NRXN3: variants seen among roughly 807,000 people sequenced by gnomAD.
NRXN3 encodes the protein neurexin 3, also known as neurexin III.
A neutral mutation model predicts 137.6 loss-of-function variants in NRXN3; 32 were observed. That is an observed-to-expected ratio of 0.23 (90% CI 0.18 to 0.31). The LOEUF (loss-of-function observed/expected upper bound fraction) is 0.31, where lower values mean the gene tolerates loss of function less well. NRXN3 is among the 10% of genes least tolerant of loss of function. NRXN3 has a pLI of 1.00. For synonymous variants in NRXN3, 798 were observed against 784.5 expected (o/e 1.02, Z -0.29); for missense variants, 1,574 against 2,062.5 (o/e 0.76, Z 4.59).
intron 4 of NRXN3, among the ~76,000 whole-genome samples, chr14:78,495,496 C>A (rs576514735): frequency 8.5e-5 from 13 of 152,230 alleles, no homozygotes; most frequent in South Asian, 2.1e-4. Context: ...CCAGGCTTTA[C>A]ACTAATTTGC....
intron 4 of NRXN3, among the ~76,000 whole-genome samples, chr14:78,585,870 T>G (rs1290817298): frequency 6.6e-6 from 1 of 151,976 alleles, no homozygotes; most frequent in Non-Finnish European, 1.5e-5. Flanking sequence ...ATGAGTAAGG[T>G]TGGAGTTTAG....
intron 15 of NRXN3, among the ~76,000 whole-genome samples, chr14:79,238,694 A>C (rs1182955273): frequency 5.3e-5 from 8 of 152,124 alleles, no homozygotes; most frequent in African/African-American, 1.9e-4. Context: ...GCATTTTTAA[A>C]AAGGCATTCC....
chr14:79,518,166 A>G (rs572449762), intron 16 of NRXN3, among the ~76,000 whole-genome samples: 1 of 151,920 alleles, frequency 6.6e-6, no homozygotes, highest in East Asian at 1.9e-4. Flanking sequence ...CAGCCTCCCA[A>G]AGTGTTGGGA....
intron 15 of NRXN3, among the ~76,000 whole-genome samples, chr14:79,126,617 T>C (rs1173713005): frequency 6.6e-6 from 1 of 152,158 alleles, no homozygotes; most frequent in African/African-American, 2.4e-5. Context: ...CTGTTGTGAA[T>C]AATGCCGCAA....
rs144660240 is a variant in NRXN3, at chr14:79,400,877, G to A, written c.3263-66344G>A. Among the ~76,000 whole-genome samples the A allele has an allele frequency of 3.3e-5, 5 of 152,160 alleles. No homozygotes were observed. The South Asian group carries it at 1.0e-3, about 31-fold the overall frequency. The stretch of plus-strand genomic sequence containing the variant: ...TGTTGCATATAGCCCCCCGTAACAA[G>A]CCTCCTTGTTGTCTTTTGTGTTCCT... On this transcript the variant is annotated intron_variant, in intron 15 of 20. Transcript: ENST00000335750.
intron 19 of NRXN3, among the ~76,000 whole-genome samples, chr14:79,762,338 TC>T (rs1294130844): frequency 6.6e-6 from 1 of 151,712 alleles, no homozygotes; most frequent in Non-Finnish European, 1.5e-5. Context: ...ACTCGCATGC[TC>T]AAGTAGTTAG....
At chr14:79,473,565 C>T (rs769396802) in intron 16 of NRXN3, among the ~76,000 whole-genome samples, 6 of 152,174 alleles carry the variant, frequency 3.9e-5, no homozygotes, top group Middle Eastern at 3.4e-3. Flanking sequence ...GGATTTGAGT[C>T]AAGAACTGTA....
chr14:78,810,392 A>C (rs8013394), intron 10 of NRXN3, 48 bp downstream of exon 10: 16,815 of 1,127,968 alleles, frequency 0.015, 279 homozygotes, highest in Middle Eastern at 0.027. Context: ...AAAAAAAACA[A>C]AACTGACTTT....
chr14:79,621,612 C>T (rs2098225592), intron 16 of NRXN3, among the ~76,000 whole-genome samples: 1 of 152,176 alleles, frequency 6.6e-6, no homozygotes, highest in Admixed American at 6.5e-5. Flanking sequence ...TAGCCAGGTT[C>T]AGCCTTTTAT....
At chr14:79,269,343 C>T (rs1477560735) in intron 15 of NRXN3, among the ~76,000 whole-genome samples, 4 of 152,178 alleles carry the variant, frequency 2.6e-5, no homozygotes, top group Non-Finnish European at 5.9e-5. Context: ...GCCACCGCAT[C>T]CGGCCCTATT....
At chr14:79,777,305 G>A (rs993789498) in intron 19 of NRXN3, among the ~76,000 whole-genome samples, 4 of 152,030 alleles carry the variant, frequency 2.6e-5, no homozygotes, top group South Asian at 4.1e-4. Flanking sequence ...CTATAGATTC[G>A]GTGTCTTTCT....
intron 4 of NRXN3, among the ~76,000 whole-genome samples, chr14:78,386,200 T>G (rs1407653125): frequency 6.6e-6 from 1 of 152,238 alleles, no homozygotes; most frequent in Non-Finnish European, 1.5e-5. Flanking sequence ...TATTTGATTT[T>G]CAGAGTTAAT....
At chr14:78,975,088 G>A (rs958775982) in intron 14 of NRXN3, among the ~76,000 whole-genome samples, 2 of 152,198 alleles carry the variant, frequency 1.3e-5, no homozygotes, top group Non-Finnish European at 2.9e-5. Context: ...CTATGCCTGT[G>A]TATCAGGGAC....
chr14:79,190,513 G>T (rs2064146594), intron 15 of NRXN3, among the ~76,000 whole-genome samples: 1 of 152,086 alleles, frequency 6.6e-6, no homozygotes, highest in African/African-American at 2.4e-5. Flanking sequence ...CTGGAGTGCA[G>T]GATTCATTAG....
intron 4 of NRXN3, among the ~76,000 whole-genome samples, chr14:78,597,732 C>T (rs974977145): frequency 6.6e-6 from 1 of 152,224 alleles, no homozygotes; most frequent in South Asian, 2.1e-4. Context: ...GAAGCCTCCT[C>T]TTCGTCATTT....
At chr14:79,066,878 G>C (rs976375201) in intron 15 of NRXN3, among the ~76,000 whole-genome samples, 1 of 152,104 alleles carries the variant, frequency 6.6e-6, no homozygotes, top group African/African-American at 2.4e-5. Flanking sequence ...GAGCCGATGG[G>C]GTTTTCTGGG....
chr14:79,444,735 G>A (rs1384244802), intron 15 of NRXN3, among the ~76,000 whole-genome samples: 2 of 152,198 alleles, frequency 1.3e-5, no homozygotes, highest in Admixed American at 1.3e-4. Flanking sequence ...GGCTGAGTCA[G>A]GAGGGTTGCT....
chr14:79,544,190 A>G (rs1329751101), intron 16 of NRXN3, among the ~76,000 whole-genome samples: 1 of 152,250 alleles, frequency 6.6e-6, no homozygotes, highest in Non-Finnish European at 1.5e-5. Context: ...TTCTGTCAGT[A>G]ACTAAGTAGT....
Position 79,193,173 on chromosome 14 carries a change from A to G in NRXN3, c.3262+205032A>G, listed in dbSNP as rs2064654346. ...AAAATTGAAAAAAATTGAACTTCTG[A>G]GAAGAATGGTGATATTATAGATATG... On this transcript the variant is annotated intron_variant, in intron 15 of 20. Transcript: ENST00000335750. Among the ~76,000 whole-genome samples, 4 of 152,262 alleles carry G rather than the reference A, an allele frequency of 2.6e-5. No homozygotes were observed. In the South Asian group the frequency reaches 8.3e-4, roughly 32 times the overall value.
Sources: gnomAD v4.1 joint callset for allele counts (sites outside exome capture counted in the v4.1 genomes callset) on GRCh38, gnomAD v4.1.1 for gene constraint, MANE v1.5 for transcripts, NCBI Gene and HGNC (gene_info 2026-07-23, HGNC 2026-07-21) for gene names.